TESC: variants seen among roughly 807,000 people sequenced by gnomAD.
TESC encodes the protein calcineurin B homologous protein 3.
In TESC, 19 loss-of-function variants were observed where a neutral mutation model predicts 31.0. The observed-to-expected ratio is 0.61, with a 90% confidence interval of 0.43 to 0.90. The LOEUF (loss-of-function observed/expected upper bound fraction) is 0.90. Among genes scored for constraint, TESC ranks in the 40% least tolerant of loss-of-function variants. The pLI is 0.00. For synonymous variants in TESC, 109 were observed against 114.8 expected (o/e 0.95, Z 0.32); for missense variants, 248 against 303.8 (o/e 0.82, Z 1.36).
intron 1 of TESC, among the ~76,000 whole-genome samples, chr12:117,091,883 C>A (rs1343969278): frequency 2.0e-5 from 3 of 152,176 alleles, no homozygotes; most frequent in Non-Finnish European, 2.9e-5. Context: ...ATGGCCTCCC[C>A]CAGATCACAC....
At position 117,051,684 on chromosome 12, in the gene TESC, T is replaced by C. The variant is rs117846457; in HGVS notation, c.210-2526A>G. ...GCAGCAAGAGGGATTAAGATTAGCA[T>C]GGGTGAAAATGTGATAGACCCCTGG... On this transcript the variant is annotated intron_variant, in intron 3 of 7. Coordinates refer to ENST00000335209, the MANE Select transcript of TESC (RefSeq NM_017899.4). 2.4e-3 allele frequency among the ~76,000 whole-genome samples: 358 copies of C among 152,266 alleles called. 1 individual carries two copies. Among genetic ancestry groups the C allele is most frequent in the Non-Finnish European group, 4.4e-3 (301 of 68,014 alleles).
chr12:117,098,846 C>T (rs1359361834), intron 1 of TESC, among the ~76,000 whole-genome samples: 1 of 152,170 alleles, frequency 6.6e-6, no homozygotes, highest in Non-Finnish European at 1.5e-5. Context: ...CTCGCGCTCA[C>T]GAATGCAAAC....
At chr12:117,095,307 T>G (rs955750658) in intron 1 of TESC, among the ~76,000 whole-genome samples, 10 of 152,114 alleles carry the variant, frequency 6.6e-5, no homozygotes, top group African/African-American at 2.4e-4. Context: ...ACTCCTGACC[T>G]CATGATCTAC....
chr12:117,044,521 G>A (rs1954528680), intron 6 of TESC, among the ~76,000 whole-genome samples: 1 of 152,194 alleles, frequency 6.6e-6, no homozygotes, highest in Non-Finnish European at 1.5e-5. Context: ...CGGGGAGTTG[G>A]GGGAAGCAGC....
At chr12:117,080,788 C>A (rs1490264620) in intron 1 of TESC, among the ~76,000 whole-genome samples, 1 of 152,140 alleles carries the variant, frequency 6.6e-6, no homozygotes, top group African/African-American at 2.4e-5. Context: ...CCCGGGCTGA[C>A]CCTGGGCCCC....
Position 117,040,707 on chromosome 12 carries a change from C to T in TESC, c.567+1240G>A, listed in dbSNP as rs543610445. Among the ~76,000 whole-genome samples the T allele has an allele frequency of 2.7e-3, 405 of 152,294 alleles. 5 individuals are homozygous for T. The Middle Eastern group carries it at 0.031, about 12-fold the overall frequency. ...CCAGCCCCGGGGTGGGCCATCTGCA[C>T]GGCAGTCCACGGGGCCTGCCGACCT... On this transcript the variant is annotated intron_variant, in intron 7 of 7. Transcript: ENST00000335209.
intron 1 of TESC, among the ~76,000 whole-genome samples, chr12:117,094,686 A>G (rs1436731645): frequency 1.3e-5 from 2 of 152,292 alleles, no homozygotes; most frequent in Non-Finnish European, 2.9e-5. Context: ...CAGGTAAGCC[A>G]ACCCCTGAAC....
At chr12:117,046,751 G>A (rs750815568) in intron 5 of TESC, 26 bp downstream of exon 5, 3 of 1,556,884 alleles carry the variant, frequency 1.9e-6, no homozygotes, top group Non-Finnish European at 2.6e-6. Context: ...CAGGAGCCCC[G>A]GGCGGGCCAG....
chr12:117,039,893 G>A (rs752789790), intron 7 of TESC, among the ~76,000 whole-genome samples: 9 of 152,264 alleles, frequency 5.9e-5, no homozygotes, highest in African/African-American at 1.7e-4. Context: ...ACAAGGCCAT[G>A]TATGTACCCC....
intron 1 of TESC, among the ~76,000 whole-genome samples, chr12:117,092,309 G>A (rs1291560212): frequency 6.6e-6 from 1 of 152,196 alleles, no homozygotes; most frequent in Non-Finnish European, 1.5e-5. Flanking sequence ...CCATCCTCCA[G>A]GGTCCCGCTC....
intron 1 of TESC, among the ~76,000 whole-genome samples, chr12:117,087,638 C>G (rs771586841): frequency 6.6e-6 from 1 of 152,222 alleles, no homozygotes; most frequent in Non-Finnish European, 1.5e-5. Flanking sequence ...CTTCCTACAG[C>G]TATGCTCTGT....
chr12:117,071,282 T>C (rs1300508935), intron 2 of TESC, among the ~76,000 whole-genome samples: 1 of 152,224 alleles, frequency 6.6e-6, no homozygotes, highest in East Asian at 1.9e-4. Flanking sequence ...GCACCTACTG[T>C]GTTACAGGCC....
At chr12:117,092,334 A>C (rs1454215405) in intron 1 of TESC, among the ~76,000 whole-genome samples, 1 of 152,154 alleles carries the variant, frequency 6.6e-6, no homozygotes, top group Non-Finnish European at 1.5e-5. Context: ...GCTGCGACAG[A>C]TGGTGAGATG....
chr12:117,099,074 G>C (rs1955436369), intron 1 of TESC, 151 bp downstream of exon 1: 2 of 785,876 alleles, frequency 2.5e-6, no homozygotes, highest in Non-Finnish European at 3.6e-6. Context: ...GGTGGCCAGC[G>C]GGGACCCATT....
At chr12:117,084,529 C>T (rs1052824653) in intron 1 of TESC, among the ~76,000 whole-genome samples, 3 of 152,252 alleles carry the variant, frequency 2.0e-5, no homozygotes, top group Non-Finnish European at 2.9e-5. Context: ...GCATTGCCTG[C>T]CTGGCCCTGG....
At chr12:117,090,259 G>A (rs73408527) in intron 1 of TESC, among the ~76,000 whole-genome samples, 27,199 of 152,158 alleles carry the variant, frequency 0.18, 2,667 homozygotes, top group African/African-American at 0.25. Context: ...GAATATGTAG[G>A]TTCTTAAGTA....
chr12:117,093,776 T>C (rs1955349026), intron 1 of TESC, among the ~76,000 whole-genome samples: 1 of 149,644 alleles, frequency 6.7e-6, no homozygotes, highest in African/African-American at 2.5e-5. Context: ...ACTCTAGGTC[T>C]GGAGATTTTT....
intron 2 of TESC, among the ~76,000 whole-genome samples, chr12:117,058,559 A>C (rs1954761023): frequency 7.3e-6 from 1 of 137,212 alleles, no homozygotes; most frequent in Non-Finnish European, 1.5e-5. Flanking sequence ...ATTTCAGTAA[A>C]GCTGTTAAAA....
chr12:117,074,310 G>A (rs1008309822), intron 2 of TESC, among the ~76,000 whole-genome samples: 1 of 152,188 alleles, frequency 6.6e-6, no homozygotes, highest in Non-Finnish European at 1.5e-5. Flanking sequence ...TGAGGCTGCA[G>A]TGAGCTATGA....
Sources: allele counts gnomAD v4.1 joint callset (sites outside exome capture counted in the v4.1 genomes callset), GRCh38; gene constraint gnomAD v4.1.1; transcripts MANE v1.5; gene names NCBI Gene and HGNC (gene_info 2026-07-23, HGNC 2026-07-21).